The following R3HCC1L variants were observed in gnomAD, a reference collection of about 807,000 sequenced individuals.
R3HCC1L encodes coiled-coil domain-containing protein R3HCC1L.
R3HCC1L carries 51 observed loss-of-function variants against 59.9 expected under a neutral mutation model. That is an observed-to-expected ratio of 0.85 (90% confidence interval 0.68 to 1.07). The LOEUF (loss-of-function observed/expected upper bound fraction) is 1.07, where lower values mean the gene tolerates loss of function less well. R3HCC1L is among the 50% of genes least tolerant of loss of function. R3HCC1L has a pLI of 0.00. For synonymous variants in R3HCC1L, 322 were observed against 315.2 expected (o/e 1.02, Z -0.23); for missense variants, 965 against 933.0 (o/e 1.03, Z -0.45).
At chr10:98,223,997 TG>T (rs1855368988) in intron 5 of R3HCC1L, among the ~76,000 whole-genome samples, 1 of 151,928 alleles carries the variant, frequency 6.6e-6, no homozygotes, top group Non-Finnish European at 1.5e-5. Flanking sequence ...ATTACGCAGG[TG>T]GGGGGTTGTG....
intron 5 of R3HCC1L, among the ~76,000 whole-genome samples, chr10:98,217,839 C>T (rs994129614): frequency 6.6e-6 from 1 of 151,502 alleles, no homozygotes; most frequent in African/African-American, 2.4e-5. Context: ...TATTGGTGTA[C>T]AGAAATGCTG....
intron 5 of R3HCC1L, among the ~76,000 whole-genome samples, chr10:98,224,282 A>T (rs1855408606): frequency 6.6e-6 from 1 of 151,618 alleles, no homozygotes; most frequent in Non-Finnish European, 1.5e-5. Context: ...GTCTGTGGGG[A>T]ATAATTGGCA....
rs1302623745 is a variant in R3HCC1L at position 98,231,701 on chromosome 10, T to G, written c.1961+14T>G. On this transcript the variant is annotated intron_variant, in intron 6 of 9. Transcript: ENST00000298999. ...CTGCAGTTATCAGTGAGTATGCAAATGATTGTGGATGTTAGGGAGGGTGAG... is the reference window on the plus strand; with the variant it reads ...CTGCAGTTATCAGTGAGTATGCAAAGGATTGTGGATGTTAGGGAGGGTGAG... 1.5e-5 allele frequency: 24 copies of G among 1,576,318 alleles called. No individual in the cohort carries two copies. The highest frequency in any genetic ancestry group is 2.1e-5 in the Non-Finnish European group (24 of 1,157,900).
intron 5 of R3HCC1L, chr10:98,211,313 CTGATGCA>C (rs1853544328): frequency 6.6e-7 from 1 of 1,520,206 alleles, no homozygotes; most frequent in African/African-American, 1.4e-5. Context: ...TCAGGGGATT[CTGATGCA>C]CATAAAGCCC....
intron 5 of R3HCC1L, among the ~76,000 whole-genome samples, chr10:98,221,761 A>G (rs560916030): frequency 2.0e-5 from 3 of 152,332 alleles, no homozygotes; most frequent in South Asian, 2.1e-4. Context: ...TACCAGTACC[A>G]TGCTGTTTTG....
chr10:98,154,342 A>C (rs1347141090), intron 1 of R3HCC1L, among the ~76,000 whole-genome samples: 1 of 152,090 alleles, frequency 6.6e-6, no homozygotes, highest in Non-Finnish European at 1.5e-5. Flanking sequence ...TGTATGGAGG[A>C]ATCTGGTGTG....
intron 4 of R3HCC1L, among the ~76,000 whole-genome samples, chr10:98,207,213 G>T (rs1190296250): frequency 6.6e-6 from 1 of 152,130 alleles, no homozygotes; most frequent in African/African-American, 2.4e-5. Context: ...TATTCTCTTT[G>T]TCCTGGACAA....
intron 4 of R3HCC1L, among the ~76,000 whole-genome samples, chr10:98,206,866 T>A (rs1184190541): frequency 6.6e-6 from 1 of 152,122 alleles, no homozygotes; most frequent in Non-Finnish European, 1.5e-5. Context: ...ATGGAAGATA[T>A]AAAATACATG....
intron 9 of R3HCC1L, among the ~76,000 whole-genome samples, chr10:98,238,651 G>GAATCTAGGT (rs1477289196): frequency 6.6e-6 from 1 of 152,122 alleles, no homozygotes; most frequent in Non-Finnish European, 1.5e-5. Context: ...GAAGGCATCT[G>GAATCTAGGT]AATCTAGGTA....
At chr10:98,148,605 T>A (rs548145108) in intron 1 of R3HCC1L, among the ~76,000 whole-genome samples, 5 of 152,352 alleles carry the variant, frequency 3.3e-5, no homozygotes, top group African/African-American at 1.2e-4. Context: ...GATATTAGAT[T>A]TTATTGAATG....
intron 4 of R3HCC1L, among the ~76,000 whole-genome samples, chr10:98,204,744 G>T (rs933385204): frequency 3.3e-5 from 5 of 151,948 alleles, no homozygotes; most frequent in African/African-American, 1.2e-4. Flanking sequence ...ACAATATTAC[G>T]TATCGTTATA....
intron 5 of R3HCC1L, among the ~76,000 whole-genome samples, chr10:98,219,671 A>C (rs1209700796): frequency 1.3e-5 from 2 of 152,110 alleles, no homozygotes; most frequent in African/African-American, 2.4e-5. Flanking sequence ...GATTTCCTTA[A>C]GCATTTCTTG....
At chr10:98,190,957 T>A (rs543094422) in intron 4 of R3HCC1L, among the ~76,000 whole-genome samples, 2 of 152,224 alleles carry the variant, frequency 1.3e-5, no homozygotes, top group Non-Finnish European at 2.9e-5. Flanking sequence ...TCCACCTTCA[T>A]CCATGTCCCT....
At chr10:98,238,498 CA>C (rs1857191210) in intron 9 of R3HCC1L, among the ~76,000 whole-genome samples, 1 of 152,070 alleles carries the variant, frequency 6.6e-6, no homozygotes, top group Non-Finnish European at 1.5e-5. Flanking sequence ...ATTAAAAGGA[CA>C]GGAAGGAAAC....
intron 1 of R3HCC1L, among the ~76,000 whole-genome samples, chr10:98,135,497 G>T (rs140454957): frequency 9.2e-5 from 14 of 152,300 alleles, no homozygotes; most frequent in African/African-American, 3.4e-4. Context: ...AGTATGTTTC[G>T]GGTATAACCT....
chr10:98,216,840 A>G (rs896822502), intron 5 of R3HCC1L, among the ~76,000 whole-genome samples: 1 of 152,144 alleles, frequency 6.6e-6, no homozygotes, highest in African/African-American at 2.4e-5. Flanking sequence ...TCAGCCCCCC[A>G]AAGTGTTGGG....
At chr10:98,222,694 A>C (rs538407261) in intron 5 of R3HCC1L, among the ~76,000 whole-genome samples, 1 of 152,156 alleles carries the variant, frequency 6.6e-6, no homozygotes, top group Non-Finnish European at 1.5e-5. Flanking sequence ...ATTGATTTGC[A>C]TATATTGAAC....
At chr10:98,226,515 GCCTGGT>G (rs971996236) in intron 5 of R3HCC1L, among the ~76,000 whole-genome samples, 1 of 152,176 alleles carries the variant, frequency 6.6e-6, no homozygotes, top group Non-Finnish European at 1.5e-5. Flanking sequence ...AATCCCAGCT[GCCTGGT>G]TGGCAGAAAA....
chr10:98,242,825 A>G (rs1857686013), intron 9 of R3HCC1L, among the ~76,000 whole-genome samples: 1 of 152,206 alleles, frequency 6.6e-6, no homozygotes, highest in Non-Finnish European at 1.5e-5. Context: ...AATCAAGACC[A>G]TGCTGCCTTC....
Sources: gnomAD v4.1 joint callset for allele counts (sites outside exome capture counted in the v4.1 genomes callset) on GRCh38, gnomAD v4.1.1 for gene constraint, MANE v1.5 for transcripts, NCBI Gene and HGNC (gene_info 2026-07-23, HGNC 2026-07-21) for gene names.